CCSER1: variants seen among roughly 807,000 people sequenced by gnomAD.
The protein encoded by CCSER1 is coiled-coil serine rich protein 1, also known as serine-rich coiled-coil domain-containing protein 1.
A neutral mutation model predicts 82.0 loss-of-function variants in CCSER1; 41 were observed. That is an observed-to-expected ratio of 0.50 (90% confidence interval 0.39 to 0.65). The LOEUF is 0.65. Ranked by LOEUF, CCSER1 falls within the 30% of genes least tolerant of loss-of-function variation. CCSER1 has a pLI of 0.00. For synonymous variants in CCSER1, 414 were observed against 383.9 expected, an observed-to-expected ratio of 1.08 and a Z score of -0.92; for missense variants, 1,119 against 1,064.2, an observed-to-expected ratio of 1.05 and a Z score of -0.72.
At chr4:90,336,288 G>A (rs1278599364) in intron 3 of CCSER1, among the ~76,000 whole-genome samples, 2 of 152,092 alleles carry the variant, frequency 1.3e-5, no homozygotes, top group Non-Finnish European at 2.9e-5. Context: ...TTATTTTGGT[G>A]GTATAGATTT....
chr4:91,400,869 A>G (rs1398332725), intron 10 of CCSER1, among the ~76,000 whole-genome samples: 2 of 151,752 alleles, frequency 1.3e-5, no homozygotes, highest in Non-Finnish European at 2.9e-5. Context: ...CTTCCTTGTT[A>G]CCTAAGAAAA....
chr4:90,832,247 G>A (rs544069996), intron 8 of CCSER1, among the ~76,000 whole-genome samples: 1 of 152,162 alleles, frequency 6.6e-6, no homozygotes, highest in African/African-American at 2.4e-5. Flanking sequence ...TAGTAGAAAT[G>A]TCTGCAAATG....
At chr4:91,191,312 A>G (rs1232555402) in intron 10 of CCSER1, among the ~76,000 whole-genome samples, 1 of 152,062 alleles carries the variant, frequency 6.6e-6, no homozygotes, top group Non-Finnish European at 1.5e-5. Flanking sequence ...GACTGTTCTT[A>G]TATTTAAACC....
At chr4:90,266,050 C>G (rs964397789) in intron 1 of CCSER1, among the ~76,000 whole-genome samples, 1 of 152,128 alleles carries the variant, frequency 6.6e-6, no homozygotes, top group South Asian at 2.1e-4. Flanking sequence ...AATTATTTCA[C>G]TTACAACCAT....
chr4:91,053,872 C>T (rs1743211227), intron 9 of CCSER1, among the ~76,000 whole-genome samples: 1 of 152,156 alleles, frequency 6.6e-6, no homozygotes, highest in South Asian at 2.1e-4. Context: ...TAATGTCTTG[C>T]TCATTTTAGC....
intron 3 of CCSER1, among the ~76,000 whole-genome samples, chr4:90,374,648 C>T (rs952525659): frequency 9.9e-5 from 15 of 152,162 alleles, no homozygotes; most frequent in African/African-American, 3.6e-4. Flanking sequence ...GCATTGTCCT[C>T]ACCCACTCAT....
At chr4:90,342,657 A>G (rs1313348504) in intron 3 of CCSER1, among the ~76,000 whole-genome samples, 3 of 152,096 alleles carry the variant, frequency 2.0e-5, no homozygotes, top group Non-Finnish European at 4.4e-5. Flanking sequence ...TCACCTGCTC[A>G]TTTTCCCGTA....
chr4:90,456,958 C>A (rs971759719), intron 4 of CCSER1, among the ~76,000 whole-genome samples: 1 of 152,192 alleles, frequency 6.6e-6, no homozygotes, highest in Non-Finnish European at 1.5e-5. Flanking sequence ...GCTCACTTGG[C>A]CTGGCAGTCT....
intron 7 of CCSER1, among the ~76,000 whole-genome samples, chr4:90,738,373 G>A (rs1212904997): frequency 4.6e-5 from 7 of 152,138 alleles, no homozygotes; most frequent in Non-Finnish European, 1.0e-4. Context: ...CAGACTCATA[G>A]GGGTACTGCC....
intron 6 of CCSER1, among the ~76,000 whole-genome samples, chr4:90,705,251 T>G (rs1014898853): frequency 6.6e-6 from 1 of 152,344 alleles, no homozygotes; most frequent in Non-Finnish European, 1.5e-5. Flanking sequence ...CAGACCCTGT[T>G]TGCCTGGGTA....
At chr4:91,145,448 C>T (rs7683693) in intron 10 of CCSER1, among the ~76,000 whole-genome samples, 110,861 of 151,988 alleles carry the variant, frequency 0.73, 40,702 homozygotes, top group Non-Finnish European at 0.78. Flanking sequence ...TTAGACCATT[C>T]ACATTTAAGC....
rs906173609 is a variant in CCSER1 at position 90,457,950 on chromosome 4, G to A, written c.1604-10284G>A. Among the ~76,000 whole-genome samples the A allele has an allele frequency of 2.6e-5, 4 of 152,140 alleles. No homozygotes were observed. In the South Asian group the frequency reaches 6.2e-4, roughly 24 times the overall value. ...TGCTTATCAGCACCCAATGTCCAGAGGGGCTCGAGACAGCAGGGTTCTGGT... is the reference window on the plus strand; with the variant it reads ...TGCTTATCAGCACCCAATGTCCAGAAGGGCTCGAGACAGCAGGGTTCTGGT... On this transcript the variant is annotated intron_variant, in intron 4 of 10. Transcript: ENST00000509176.
At chr4:90,714,274 C>T (rs527952131) in intron 6 of CCSER1, among the ~76,000 whole-genome samples, 35 of 151,710 alleles carry the variant, frequency 2.3e-4, no homozygotes, top group African/African-American at 8.0e-4. Flanking sequence ...CTAGTTTGTA[C>T]TTTTAATACT....
chr4:91,264,075 T>C (rs1257335766), intron 10 of CCSER1, among the ~76,000 whole-genome samples: 8 of 151,948 alleles, frequency 5.3e-5, no homozygotes, highest in Non-Finnish European at 1.0e-4. Context: ...CATAAATATG[T>C]GTTCTGCTGA....
rs1376895386 is a variant in CCSER1 at position 91,599,447 on chromosome 4, C to T, written c.*390C>T. Reference sequence around the variant, plus strand: ...TAATGGTGTTACTATAAAAGTAGACCTGATGAAAAATAGATAAAGGAATTA... The same window carrying T: ...TAATGGTGTTACTATAAAAGTAGACTTGATGAAAAATAGATAAAGGAATTA... On this transcript the variant is annotated 3_prime_UTR_variant, in exon 11 of 11. Transcript: ENST00000509176. 6.5e-6 allele frequency: 1 copy of T among 153,228 alleles called. No individual in the cohort carries two copies. The highest frequency in any genetic ancestry group is 2.4e-5 in the African/African-American group (1 of 41,102). 9.5% of individuals were successfully genotyped at this position (153,228 alleles called of 1,614,324 possible). A position where few individuals can be genotyped will look rare whatever the true frequency, so the allele number is the denominator to read the frequency against.
At chr4:91,486,113 T>C (rs1221879706) in intron 10 of CCSER1, among the ~76,000 whole-genome samples, 4 of 151,798 alleles carry the variant, frequency 2.6e-5, no homozygotes, top group Non-Finnish European at 5.9e-5. Context: ...CCTAGCAATT[T>C]CTTATTAAAA....
intron 10 of CCSER1, among the ~76,000 whole-genome samples, chr4:91,157,638 C>A (rs1348360290): frequency 6.6e-6 from 1 of 151,906 alleles, no homozygotes; most frequent in Non-Finnish European, 1.5e-5. Flanking sequence ...ATGGTAATGC[C>A]AGGGACAGCA....
chr4:90,972,360 A>C lies in CCSER1; in HGVS notation c.2172+48913A>C, dbSNP rs867634088. Among the ~76,000 whole-genome samples the C allele has an allele frequency of 3.9e-5, 6 of 151,966 alleles. No homozygotes were observed. In the South Asian group the frequency reaches 1.2e-3, roughly 31 times the overall value. On this transcript the variant is annotated intron_variant, in intron 9 of 10. Transcript: ENST00000509176. The stretch of plus-strand genomic sequence containing the variant: ...TTACTTTGTTGTACACCTTAAGTTT[A>C]TACAATTTTTATACATTAACAATTA...
At chr4:91,397,944 G>A (rs2149356594) in intron 10 of CCSER1, among the ~76,000 whole-genome samples, 1 of 152,016 alleles carries the variant, frequency 6.6e-6, no homozygotes, top group East Asian at 1.9e-4. Flanking sequence ...TGGGTAGAGA[G>A]GCTAGAAATG....
Sources: gnomAD v4.1 joint callset for allele counts (sites outside exome capture counted in the v4.1 genomes callset) on GRCh38, gnomAD v4.1.1 for gene constraint, MANE v1.5 for transcripts, NCBI Gene and HGNC (gene_info 2026-07-23, HGNC 2026-07-21) for gene names.